SPMIP7: variants seen among roughly 807,000 people sequenced by gnomAD.
SPMIP7 encodes the protein sperm microtubule inner protein 7, also known as protein SPMIP7.
chr7:50,137,786 C>T, the SPMIP7 span, among the ~76,000 whole-genome samples: 50 of 152,178 alleles, frequency 3.3e-4, no homozygotes, highest in African/African-American at 1.1e-3. Context: ...AGTTTATGAC[C>T]TGTTTGAATT....
At chr7:50,117,668 T>C in the SPMIP7 span, among the ~76,000 whole-genome samples, 1 of 152,226 alleles carries the variant, frequency 6.6e-6, no homozygotes, top group Non-Finnish European at 1.5e-5. Flanking sequence ...TGATACTTTT[T>C]GTTTTTTGGT....
the SPMIP7 span, among the ~76,000 whole-genome samples, chr7:50,099,400 G>A: frequency 6.6e-6 from 1 of 152,116 alleles, no homozygotes. Flanking sequence ...ATTTTATTAG[G>A]ATTGGTTTCT....
At chr7:50,101,254 C>A in the SPMIP7 span, among the ~76,000 whole-genome samples, 1 of 152,222 alleles carries the variant, frequency 6.6e-6, no homozygotes, top group Non-Finnish European at 1.5e-5. Flanking sequence ...GATTAGTCCT[C>A]TTCAGAGTCT....
At chr7:50,102,043 G>A in the SPMIP7 span, among the ~76,000 whole-genome samples, 2 of 152,158 alleles carry the variant, frequency 1.3e-5, no homozygotes, top group African/African-American at 4.8e-5. Context: ...AAAATTTGCC[G>A]GGCGCAGCCG....
At chr7:50,125,802 T>C in the SPMIP7 span, among the ~76,000 whole-genome samples, 2 of 152,046 alleles carry the variant, frequency 1.3e-5, no homozygotes, top group Non-Finnish European at 2.9e-5. Context: ...AAGAGTAGAA[T>C]GGTGGTTTCC....
chr7:50,134,207 T>G, the SPMIP7 span: 1 of 1,549,838 alleles, frequency 6.5e-7, no homozygotes, highest in Non-Finnish European at 8.7e-7. Context: ...CACAGTGTTT[T>G]ACTCTGAAAA....
At chr7:50,118,518 G>T in the SPMIP7 span, among the ~76,000 whole-genome samples, 1 of 152,150 alleles carries the variant, frequency 6.6e-6, no homozygotes, top group Non-Finnish European at 1.5e-5. Flanking sequence ...ATATTTACAT[G>T]TTATCTGGCT....
the SPMIP7 span, among the ~76,000 whole-genome samples, chr7:50,125,675 C>T: frequency 3.3e-5 from 5 of 150,484 alleles, no homozygotes; most frequent in African/African-American, 1.2e-4. Context: ...CTTCCATTTA[C>T]CACAACATGG....
At chr7:50,096,718 A>G in the SPMIP7 span, 2 of 1,111,452 alleles carry the variant, frequency 1.8e-6, no homozygotes, top group South Asian at 5.5e-5. Flanking sequence ...ATATTTAGGC[A>G]GTTAAATTAA....
the SPMIP7 span, among the ~76,000 whole-genome samples, chr7:50,108,127 G>A: frequency 1.3e-5 from 2 of 152,114 alleles, no homozygotes; most frequent in Non-Finnish European, 2.9e-5. Context: ...AAGAAACTAA[G>A]GAACATTTAG....
At chr7:50,140,566 A>G in the SPMIP7 span, among the ~76,000 whole-genome samples, 17 of 152,318 alleles carry the variant, frequency 1.1e-4, no homozygotes, top group South Asian at 3.5e-3. Context: ...TGGAAATATC[A>G]CCTCTTAATT....
the SPMIP7 span, among the ~76,000 whole-genome samples, chr7:50,109,668 C>T: frequency 6.6e-6 from 1 of 152,114 alleles, no homozygotes; most frequent in Admixed American, 6.5e-5. Flanking sequence ...AGCCACCATG[C>T]CAGGCCAACA....
the SPMIP7 span, among the ~76,000 whole-genome samples, chr7:50,125,115 T>TATATATATATATATACACACACAC: frequency 7.9e-5 from 2 of 25,416 alleles, no homozygotes; most frequent in African/African-American, 4.1e-4. Flanking sequence ...TATATATATA[T>TATATATATATATATACACACACAC]ACACACACAC....
the SPMIP7 span, among the ~76,000 whole-genome samples, chr7:50,098,191 C>A: frequency 6.6e-6 from 1 of 152,150 alleles, no homozygotes; most frequent in Admixed American, 6.6e-5. Context: ...AAAGAAAAAT[C>A]ATAAAATATT....
the SPMIP7 span, chr7:50,096,189 T>G: frequency 4.5e-6 from 7 of 1,551,788 alleles, no homozygotes; most frequent in Non-Finnish European, 6.1e-6. Context: ...TATTGTGATC[T>G]CTTAAGAAAA....
chr7:50,136,183 A>T, the SPMIP7 span: 1 of 1,503,740 alleles, frequency 6.7e-7, no homozygotes, highest in African/African-American at 1.4e-5. Flanking sequence ...TTATCTCCTA[A>T]AGTTCTCACA....
the SPMIP7 span, among the ~76,000 whole-genome samples, chr7:50,138,493 C>G: frequency 6.6e-6 from 1 of 152,144 alleles, no homozygotes; most frequent in Admixed American, 6.5e-5. Flanking sequence ...CCATCTTTTG[C>G]TCTCTGGAAT....
At chr7:50,141,312 G>T in the SPMIP7 span, 2 of 1,552,036 alleles carry the variant, frequency 1.3e-6, no homozygotes, top group Non-Finnish European at 1.7e-6. Flanking sequence ...TGCTGATGAT[G>T]TTGACAACCC....
At chr7:50,140,019 A>G in the SPMIP7 span, 1 of 680,618 alleles carries the variant, frequency 1.5e-6, no homozygotes. Context: ...CAAACCTTTA[A>G]AGGACAATTC....
Sources: gnomAD v4.1 joint callset for allele counts (sites outside exome capture counted in the v4.1 genomes callset) on GRCh38, gnomAD v4.1.1 for gene constraint, MANE v1.5 for transcripts, NCBI Gene and HGNC (gene_info 2026-07-23, HGNC 2026-07-21) for gene names.